GNAQ: variants seen among roughly 807,000 people sequenced by gnomAD.
GNAQ encodes the protein guanine nucleotide-binding protein G(q) subunit alpha.
GNAQ carries 8 observed loss-of-function variants against 43.9 expected under a neutral mutation model. That is an observed-to-expected ratio of 0.18 (90% CI 0.11 to 0.33). The LOEUF (loss-of-function observed/expected upper bound fraction) is 0.33. GNAQ is among the 10% of genes least tolerant of loss of function. GNAQ has a pLI of 1.00. For synonymous variants in GNAQ, 155 were observed against 170.7 expected (o/e 0.91, Z 0.71); for missense variants, 158 against 450.8 (o/e 0.35, Z 5.88).
chr9:77,835,115 ACC>A (rs1207124833), intron 2 of GNAQ, among the ~76,000 whole-genome samples: 3 of 152,036 alleles, frequency 2.0e-5, no homozygotes, highest in Non-Finnish European at 4.4e-5. Context: ...GCTGATTCAC[ACC>A]CTGGGCAGGG....
Position 77,716,102 on chromosome 9 carries a change from T to C in GNAQ, c.*5221A>G, listed in dbSNP as rs1825224623. The C allele has an allele frequency of 5.4e-6, 1 of 184,178 alleles. No homozygotes were observed. The highest frequency in any genetic ancestry group is 6.2e-5 in the Admixed American group (1 of 16,046). 11.4% of individuals were successfully genotyped at this position (184,178 alleles called of 1,614,324 possible). On this transcript the variant is annotated 3_prime_UTR_variant, in exon 7 of 7. Coordinates refer to ENST00000286548, the MANE Select transcript of GNAQ (RefSeq NM_002072.5). ...AGGGAAAAGGTTTTTTGGTGTTTTTTTTTTTTTGAAACCATTAAACTTGTT... is the reference window on the plus strand; with the variant it reads ...AGGGAAAAGGTTTTTTGGTGTTTTTCTTTTTTTGAAACCATTAAACTTGTT...
chr9:77,864,280 C>A (rs1827912838), intron 2 of GNAQ, among the ~76,000 whole-genome samples: 1 of 151,860 alleles, frequency 6.6e-6, no homozygotes, highest in Admixed American at 6.6e-5. Context: ...GCTCCCATGA[C>A]CCAAACACCT....
chr9:77,750,095 A>C (rs984985635), intron 5 of GNAQ, among the ~76,000 whole-genome samples: 1 of 151,902 alleles, frequency 6.6e-6, no homozygotes, highest in Non-Finnish European at 1.5e-5. Context: ...AGAACATTTA[A>C]TTAGTCACAT....
At chr9:77,951,242 C>A (rs1477451663) in intron 1 of GNAQ, among the ~76,000 whole-genome samples, 1 of 151,864 alleles carries the variant, frequency 6.6e-6, no homozygotes, top group Non-Finnish European at 1.5e-5. Context: ...GAATTACAGG[C>A]TCACGCCACC....
intron 1 of GNAQ, among the ~76,000 whole-genome samples, chr9:77,971,056 C>T (rs1377886047): frequency 2.0e-5 from 3 of 152,164 alleles, no homozygotes; most frequent in African/African-American, 4.8e-5. Context: ...TGGATACACA[C>T]ACCCTCCCAA....
intron 2 of GNAQ, among the ~76,000 whole-genome samples, chr9:77,904,420 C>CCT (rs1828670149): frequency 6.9e-6 from 1 of 144,116 alleles, no homozygotes; most frequent in African/African-American, 2.5e-5. Flanking sequence ...GCAAGCTCCA[C>CCT]CTCCCGGGTT....
At chr9:77,761,779 T>C (rs1277675573) in intron 5 of GNAQ, among the ~76,000 whole-genome samples, 1 of 67,748 alleles carries the variant, frequency 1.5e-5, no homozygotes, top group African/African-American at 5.9e-5. Flanking sequence ...GGGGCGCCTC[T>C]GCCCAGCTGC....
chr9:77,995,307 A>T (rs140436484), intron 1 of GNAQ, among the ~76,000 whole-genome samples: 1 of 152,268 alleles, frequency 6.6e-6, no homozygotes, highest in African/African-American at 2.4e-5. Flanking sequence ...CACACTCTTA[A>T]CCACTGTCTT....
intron 1 of GNAQ, among the ~76,000 whole-genome samples, chr9:77,972,805 T>C (rs1823253468): frequency 6.6e-6 from 1 of 151,708 alleles, no homozygotes; most frequent in Admixed American, 6.6e-5. Context: ...ATACAAAAAT[T>C]AGCCGGGCGT....
chr9:78,023,522 G>C (rs1158641760), intron 1 of GNAQ, among the ~76,000 whole-genome samples: 1 of 151,972 alleles, frequency 6.6e-6, no homozygotes, highest in Non-Finnish European at 1.5e-5. Flanking sequence ...AAAGGGACTG[G>C]GTAAATCACA....
At chr9:77,834,500 T>C (rs1252719618) in intron 2 of GNAQ, among the ~76,000 whole-genome samples, 2 of 85,204 alleles carry the variant, frequency 2.3e-5, no homozygotes, top group Admixed American at 2.4e-4. Context: ...AAATACACTA[T>C]TCTTTCTTTT....
intron 5 of GNAQ, among the ~76,000 whole-genome samples, chr9:77,736,690 T>C (rs1034850764): frequency 1.3e-5 from 2 of 151,642 alleles, no homozygotes; most frequent in Non-Finnish European, 2.9e-5. Context: ...GAGAAAAGTG[T>C]AGGAGGAAAA....
intron 2 of GNAQ, among the ~76,000 whole-genome samples, chr9:77,882,983 A>G (rs1828240361): frequency 6.6e-6 from 1 of 152,198 alleles, no homozygotes; most frequent in Non-Finnish European, 1.5e-5. Context: ...AAGAGTTAGC[A>G]CCCTTCTGAG....
intron 2 of GNAQ, among the ~76,000 whole-genome samples, chr9:77,866,203 T>C (rs564401755): frequency 4.0e-4 from 61 of 152,066 alleles, no homozygotes; most frequent in Admixed American, 9.2e-4. Flanking sequence ...TTAGGCCGGG[T>C]GTGGTGGCTC....
chr9:77,902,201 T>C (rs1413031271), intron 2 of GNAQ, among the ~76,000 whole-genome samples: 1 of 152,260 alleles, frequency 6.6e-6, no homozygotes, highest in African/African-American at 2.4e-5. Context: ...AGAATGTTCT[T>C]ACACCTTAAA....
At chr9:77,796,267 A>C (rs902263353) in intron 4 of GNAQ, among the ~76,000 whole-genome samples, 4 of 152,194 alleles carry the variant, frequency 2.6e-5, no homozygotes, top group Non-Finnish European at 5.9e-5. Context: ...ATTAGAAGAA[A>C]ACACAGTGTC....
chr9:77,913,526 T>C (rs1828843225), intron 2 of GNAQ, among the ~76,000 whole-genome samples: 1 of 152,178 alleles, frequency 6.6e-6, no homozygotes, highest in South Asian at 2.1e-4. Flanking sequence ...AGCATTTTTA[T>C]CACCACAGAA....
At position 77,855,329 on chromosome 9, in the gene GNAQ, C is replaced by T. The variant is rs140912598; in HGVS notation, c.322-39559G>A. ...GAGATCCTAGTTAAAGGCCAACGAG[C>T]AGTTATTTTTTTTAAAGTCCCTTGT... On this transcript the variant is annotated intron_variant, in intron 2 of 6. Coordinates refer to ENST00000286548, the MANE Select transcript of GNAQ (RefSeq NM_002072.5). Among the ~76,000 whole-genome samples, 978 of 152,110 alleles carry T rather than the reference C, an allele frequency of 6.4e-3. 5 individuals are homozygous for T. Among genetic ancestry groups the T allele is most frequent in the African/African-American group, 0.018 (746 of 41,516 alleles).
intron 2 of GNAQ, among the ~76,000 whole-genome samples, chr9:77,900,233 G>A (rs1456631146): frequency 6.6e-6 from 1 of 152,122 alleles, no homozygotes; most frequent in African/African-American, 2.4e-5. Context: ...TTAGAATGTG[G>A]AGGCCAGAGG....
Sources: gnomAD v4.1 joint callset for allele counts (sites outside exome capture counted in the v4.1 genomes callset) on GRCh38, gnomAD v4.1.1 for gene constraint, MANE v1.5 for transcripts, NCBI Gene and HGNC (gene_info 2026-07-23, HGNC 2026-07-21) for gene names.